GRID1: variants seen among roughly 807,000 people sequenced by gnomAD.
GRID1 encodes the protein glutamate ionotropic receptor delta type subunit 1, also known as glutamate receptor ionotropic, delta-1.
GRID1 carries 28 observed loss-of-function variants against 98.0 expected under a neutral mutation model. The ratio of observed to expected loss-of-function variants is 0.29; its 90% CI spans 0.21 to 0.39. GRID1 has a LOEUF of 0.39. GRID1 is among the 10% of genes least tolerant of loss of function. The pLI, the probability that GRID1 is intolerant of heterozygous loss-of-function variation, is 1.00. For missense variants in GRID1, 1,111 were observed against 1,340.5 expected, an observed-to-expected ratio of 0.83 and a Z score of 2.67; for synonymous variants, 553 against 538.5, an observed-to-expected ratio of 1.03 and a Z score of -0.37.
At chr10:86,243,959 A>T (rs1332031767) in intron 2 of GRID1, among the ~76,000 whole-genome samples, 1 of 152,222 alleles carries the variant, frequency 6.6e-6, no homozygotes, top group Non-Finnish European at 1.5e-5. Flanking sequence ...ACATACCTGC[A>T]CATACATGCA....
intron 4 of GRID1, among the ~76,000 whole-genome samples, chr10:86,005,831 G>T (rs750096410): frequency 1.1e-4 from 17 of 152,172 alleles, no homozygotes; most frequent in Non-Finnish European, 2.1e-4. Flanking sequence ...TTGAAACACA[G>T]GCCCTATCTG....
In GRID1 at chr10:85,907,078, A is replaced by C. The variant is rs540267864; in HGVS notation, c.780+9108T>G. ...CAAATATTGAAAGGATGCTAGTGGG[A>C]TATTATGAACTTCATACCTATAAGT... On this transcript the variant is annotated intron_variant, in intron 5 of 15. Coordinates refer to ENST00000327946, the MANE Select transcript of GRID1 (RefSeq NM_017551.3). 3.9e-5 allele frequency among the ~76,000 whole-genome samples: 6 copies of C among 152,300 alleles called. No homozygotes were observed. In the East Asian group the frequency reaches 1.2e-3, roughly 29 times the overall value.
At chr10:85,982,714 A>T (rs1199342233) in intron 4 of GRID1, among the ~76,000 whole-genome samples, 4 of 152,198 alleles carry the variant, frequency 2.6e-5, no homozygotes, top group African/African-American at 9.7e-5. Context: ...TGTATGCAAA[A>T]AGCTGTGCAC....
intron 5 of GRID1, among the ~76,000 whole-genome samples, chr10:85,886,010 T>C (rs568519419): frequency 6.6e-6 from 1 of 152,232 alleles, no homozygotes; most frequent in Non-Finnish European, 1.5e-5. Flanking sequence ...CAGGGGGCTC[T>C]CCCCTCCAGG....
At chr10:85,907,691 A>G (rs1841481835) in intron 5 of GRID1, among the ~76,000 whole-genome samples, 1 of 152,208 alleles carries the variant, frequency 6.6e-6, no homozygotes, top group Non-Finnish European at 1.5e-5. Flanking sequence ...CATTATGCCA[A>G]TGCCAAAACT....
At chr10:86,182,762 G>A (rs1387441112) in intron 3 of GRID1, among the ~76,000 whole-genome samples, 2 of 152,204 alleles carry the variant, frequency 1.3e-5, no homozygotes, top group African/African-American at 4.8e-5. Flanking sequence ...TCTCTCGTGT[G>A]TGACAGGAAT....
At chr10:85,901,750 T>C (rs1290078898) in intron 5 of GRID1, among the ~76,000 whole-genome samples, 1 of 152,116 alleles carries the variant, frequency 6.6e-6, no homozygotes, top group Non-Finnish European at 1.5e-5. Context: ...TAAAGCACAA[T>C]GGTATGTCAC....
chr10:85,854,087 A>C (rs976561726), intron 8 of GRID1, among the ~76,000 whole-genome samples: 1 of 151,368 alleles, frequency 6.6e-6, no homozygotes, highest in Non-Finnish European at 1.5e-5. Flanking sequence ...GCCTTGTCTC[A>C]CTCCTGGATC....
At chr10:85,873,968 T>C (rs1843303743) in intron 5 of GRID1, among the ~76,000 whole-genome samples, 1 of 152,250 alleles carries the variant, frequency 6.6e-6, no homozygotes, top group African/African-American at 2.4e-5. Flanking sequence ...CTCTAGTTTA[T>C]TCATTTTCAA....
intron 8 of GRID1, among the ~76,000 whole-genome samples, chr10:85,759,376 C>T (rs960578745): frequency 2.6e-5 from 4 of 152,204 alleles, no homozygotes; most frequent in Non-Finnish European, 4.4e-5. Flanking sequence ...GTGCTGAATG[C>T]AGCTGCTCTT....
In GRID1 at chr10:85,845,420, T is replaced by C. The variant is rs1564607935; in HGVS notation, c.1233+9076A>G. On this transcript the variant is annotated intron_variant, in intron 8 of 15. Transcript: ENST00000327946. ...AGAAATTGAAGAAGCCATAAATAAATTGAGGGGTATACTATATTCATGAAT... is the reference window on the plus strand; with the variant it reads ...AGAAATTGAAGAAGCCATAAATAAACTGAGGGGTATACTATATTCATGAAT... Among the ~76,000 whole-genome samples, 2 of 152,152 alleles carry C rather than the reference T, an allele frequency of 1.3e-5. 1 individual carries two copies. Among genetic ancestry groups the C allele is most frequent in the East Asian group, 3.8e-4 (2 of 5,198 alleles).
intron 4 of GRID1, among the ~76,000 whole-genome samples, chr10:86,032,299 C>A (rs1267604139): frequency 6.6e-6 from 1 of 152,198 alleles, no homozygotes; most frequent in Non-Finnish European, 1.5e-5. Flanking sequence ...GGCCCCTCTG[C>A]CCAGCTGCCA....
intron 4 of GRID1, among the ~76,000 whole-genome samples, chr10:86,003,024 A>C (rs1842819288): frequency 6.6e-6 from 1 of 152,224 alleles, no homozygotes; most frequent in East Asian, 1.9e-4. Flanking sequence ...GATTCATTGC[A>C]CAAGTCAACA....
chr10:85,904,883 C>T (rs1396682983), intron 5 of GRID1, among the ~76,000 whole-genome samples: 2 of 151,886 alleles, frequency 1.3e-5, no homozygotes, highest in Non-Finnish European at 2.9e-5. Flanking sequence ...CTAGTATCTG[C>T]GTAACTCAAA....
chr10:85,640,797 A>G (rs1161135237), intron 13 of GRID1, among the ~76,000 whole-genome samples: 1 of 152,228 alleles, frequency 6.6e-6, no homozygotes, highest in African/African-American at 2.4e-5. Context: ...TGATGCCCAC[A>G]TGCAATCTAG....
intron 2 of GRID1, among the ~76,000 whole-genome samples, chr10:86,219,599 G>A (rs1846224429): frequency 6.6e-6 from 1 of 152,138 alleles, no homozygotes; most frequent in Non-Finnish European, 1.5e-5. Flanking sequence ...GTCACGTGTG[G>A]CCCCCCGTCC....
chr10:86,242,689 A>G (rs980999985), intron 2 of GRID1, among the ~76,000 whole-genome samples: 1 of 152,186 alleles, frequency 6.6e-6, no homozygotes, highest in African/African-American at 2.4e-5. Context: ...CACCTCGTCC[A>G]AAAGGGCCTC....
rs115946286 is a variant in GRID1, at chr10:85,703,662, T to G, written c.1997+19341A>C. On this transcript the variant is annotated intron_variant, in intron 12 of 15. Coordinates refer to ENST00000327946, the MANE Select transcript of GRID1 (RefSeq NM_017551.3). The stretch of plus-strand genomic sequence containing the variant: ...AAGCCTAAAGAAAACCACTGGAGAT[T>G]AAAAGAAAATGCTTAACTTCAGGTA... Among the ~76,000 whole-genome samples the G allele has an allele frequency of 5.1e-3, 781 of 152,138 alleles. 12 individuals are homozygous for G. The highest frequency in any genetic ancestry group is 0.018 in the African/African-American group (746 of 41,512).
intron 8 of GRID1, among the ~76,000 whole-genome samples, chr10:85,742,680 T>C (rs762940298): frequency 6.6e-6 from 1 of 152,162 alleles, no homozygotes; most frequent in Non-Finnish European, 1.5e-5. Context: ...CAGCAGATTG[T>C]ATTTTCTAAA....
Sources: gnomAD v4.1 joint callset for allele counts (sites outside exome capture counted in the v4.1 genomes callset) on GRCh38, gnomAD v4.1.1 for gene constraint, MANE v1.5 for transcripts, NCBI Gene and HGNC (gene_info 2026-07-23, HGNC 2026-07-21) for gene names.